RAB33A: variants seen among roughly 807,000 people sequenced by gnomAD.
The protein encoded by RAB33A is RAB33A, member RAS oncogene family, also known as ras-related protein Rab-33A.
In RAB33A, 6 loss-of-function variants were observed where a neutral mutation model predicts 12.0. That is an observed-to-expected ratio of 0.50 (90% confidence interval 0.27 to 0.99). The LOEUF is 0.99. RAB33A is among the 50% of genes least tolerant of loss of function. The pLI is 0.11. For synonymous variants in RAB33A, 70 were observed against 82.4 expected (o/e 0.85, Z 0.81); for missense variants, 109 against 192.0 (o/e 0.57, Z 2.55).
chrX:130,155,222 T>C, the RAB33A span: 2 of 1,211,070 alleles, frequency 1.7e-6, no homozygotes, highest in Non-Finnish European at 1.1e-6. Flanking sequence ...TGCTGCCATC[T>C]TTCCCAGAAG....
the RAB33A span, among the ~76,000 whole-genome samples, chrX:130,134,518 C>T: frequency 9.0e-6 from 1 of 110,998 alleles, no homozygotes; most frequent in Non-Finnish European, 1.9e-5. Context: ...TTATGTTGTC[C>T]GGGTTGCTGA....
At chrX:130,171,358 CGGCTCAGCTGCCCGCTGCTCCCGA>C (rs1603234164), upstream of RAB33A, among the ~76,000 whole-genome samples, 1 of 112,181 alleles carries the variant, frequency 8.9e-6, no homozygotes, top group Non-Finnish European at 1.9e-5. Context: ...CGGGAAGGCG[CGGCTCAGCTGCCCGCTGCTCCCGA>C]GGTGAAAGAG....
chrX:130,182,422 G>A (rs964738353), intron 1 of RAB33A, among the ~76,000 whole-genome samples: 7 of 109,495 alleles, frequency 6.4e-5, no homozygotes, highest in African/African-American at 3.3e-5. Context: ...ATATGTTTAT[G>A]TTTAACGTTT....
the RAB33A span, among the ~76,000 whole-genome samples, chrX:130,151,084 C>T: frequency 4.2e-4 from 45 of 108,397 alleles, no homozygotes; most frequent in African/African-American, 1.4e-3. Context: ...CAAATGAAAT[C>T]TCAGATTAAT....
chrX:130,174,247 G>A (rs767459202), intron 1 of RAB33A, among the ~76,000 whole-genome samples: 8 of 112,501 alleles, frequency 7.1e-5, no homozygotes, highest in African/African-American at 2.3e-4. Flanking sequence ...ACAACACCAC[G>A]TGCAGATAAG....
the RAB33A span, among the ~76,000 whole-genome samples, chrX:130,132,319 T>C: frequency 5.3e-5 from 6 of 112,579 alleles, no homozygotes; most frequent in African/African-American, 1.9e-4. Flanking sequence ...AAAGCCATTA[T>C]ACACGACCAC....
At chrX:130,118,294 G>A in the RAB33A span, among the ~76,000 whole-genome samples, 3 of 112,521 alleles carry the variant, frequency 2.7e-5, no homozygotes, top group Non-Finnish European at 5.6e-5. Flanking sequence ...GAGGTAGGAT[G>A]GGGGATTGTC....
At chrX:130,136,612 C>A in the RAB33A span, 5 of 1,161,716 alleles carry the variant, frequency 4.3e-6, no homozygotes, top group Non-Finnish European at 5.9e-6. Flanking sequence ...AACTGGAAGG[C>A]CTCTTGGCAG....
intron 1 of RAB33A, among the ~76,000 whole-genome samples, chrX:130,181,007 CAAAAAAAA>C (rs60085312): frequency 3.7e-4 from 3 of 8,125 alleles, no homozygotes; most frequent in Non-Finnish European, 7.6e-4. Context: ...CAGTCCATCT[CAAAAAAAA>C]AAAAAAAAAA....
upstream of RAB33A, among the ~76,000 whole-genome samples, chrX:130,167,897 G>T (rs1044603678): frequency 4.5e-5 from 5 of 110,069 alleles, no homozygotes; most frequent in Non-Finnish European, 9.5e-5. Context: ...AAATTACAGG[G>T]CCGGGTGCAG....
the RAB33A span, among the ~76,000 whole-genome samples, chrX:130,121,661 G>A: frequency 1.8e-5 from 2 of 112,664 alleles, no homozygotes; most frequent in Non-Finnish European, 3.8e-5. Flanking sequence ...AGATCTCCGC[G>A]CCCCTGTTCC....
chrX:130,161,241 G>A, the RAB33A span, among the ~76,000 whole-genome samples: 7 of 110,752 alleles, frequency 6.3e-5, no homozygotes, highest in Admixed American at 3.8e-4. Flanking sequence ...AGCCAGGTGC[G>A]GTGGCTCACA....
the RAB33A span, among the ~76,000 whole-genome samples, chrX:130,120,888 C>CGCG: frequency 2.7e-5 from 3 of 113,156 alleles, no homozygotes; most frequent in Non-Finnish European, 5.6e-5. Flanking sequence ...GCACGCGGAA[C>CGCG]GCGGCGGCGG....
the RAB33A span, among the ~76,000 whole-genome samples, chrX:130,148,808 G>A: frequency 1.3e-5 from 1 of 79,443 alleles, no homozygotes; most frequent in Non-Finnish European, 2.3e-5. Flanking sequence ...ACTCCAGCCT[G>A]GGCAAAAAGA....
At chrX:130,169,936 A>G (rs1374911191), upstream of RAB33A, among the ~76,000 whole-genome samples, 1 of 112,272 alleles carries the variant, frequency 8.9e-6, no homozygotes, top group Non-Finnish European at 1.9e-5. Flanking sequence ...ATTAACTTCC[A>G]ATACAGAGGG....
chrX:130,120,219 G>GT, the RAB33A span, among the ~76,000 whole-genome samples: 1 of 109,966 alleles, frequency 9.1e-6, no homozygotes, highest in Admixed American at 9.6e-5. Context: ...TTTTTGTTTT[G>GT]TTTTTTTGTT....
intron 1 of RAB33A, among the ~76,000 whole-genome samples, chrX:130,183,102 T>A (rs2031749368): frequency 9.3e-6 from 1 of 107,214 alleles, no homozygotes; most frequent in African/African-American, 3.4e-5. Flanking sequence ...GAGATGGGAT[T>A]TCACCATGTT....
the RAB33A span, among the ~76,000 whole-genome samples, chrX:130,132,754 T>C: frequency 2.9e-5 from 3 of 102,573 alleles, no homozygotes; most frequent in East Asian, 9.0e-4. Context: ...TTTTTTTTTT[T>C]TTTTTTTTTT....
the RAB33A span, among the ~76,000 whole-genome samples, chrX:130,133,795 A>G: frequency 7.0e-5 from 7 of 99,873 alleles, no homozygotes; most frequent in African/African-American, 2.5e-4. Flanking sequence ...GCCTGGCTAA[A>G]TTTTTTTTTT....
Sources: allele counts gnomAD v4.1 joint callset (sites outside exome capture counted in the v4.1 genomes callset), GRCh38; gene constraint gnomAD v4.1.1; transcripts MANE v1.5; gene names NCBI Gene and HGNC (gene_info 2026-07-23, HGNC 2026-07-21).